Variants in SHANK2 observed in about 807,000 individuals in gnomAD.
The protein encoded by SHANK2 is SH3 and multiple ankyrin repeat domains 2, also known as SH3 and multiple ankyrin repeat domains protein 2.
Under a neutral mutation model 133.7 loss-of-function variants are expected in SHANK2, and 43 were observed. That is an observed-to-expected ratio of 0.32 (90% CI 0.25 to 0.41). The LOEUF (loss-of-function observed/expected upper bound fraction) is 0.41, where lower values mean the gene tolerates loss of function less well. Ranked by LOEUF, SHANK2 falls within the 10% of genes least tolerant of loss-of-function variation. The pLI is 1.00. For synonymous variants in SHANK2, 1,017 were observed against 952.8 expected (o/e 1.07, Z -1.24); for missense variants, 1,994 against 2,235.8 (o/e 0.89, Z 2.18).
chr11:71,080,494 A>C (rs1951284017), intron 8 of SHANK2, among the ~76,000 whole-genome samples: 1 of 152,222 alleles, frequency 6.6e-6, no homozygotes, highest in South Asian at 2.1e-4. Context: ...AATGCCCAGC[A>C]CAGCAACCAG....
chr11:70,757,824 C>T (rs1946906141), intron 14 of SHANK2, among the ~76,000 whole-genome samples: 1 of 152,172 alleles, frequency 6.6e-6, no homozygotes, highest in Admixed American at 6.5e-5. Context: ...CACACCATCC[C>T]ATAGGCCTGC....
rs73537473 is a variant in SHANK2, at chr11:71,175,407, G to A, written c.-12-28069C>T. On this transcript the variant is annotated intron_variant, in intron 2 of 25. Coordinates refer to ENST00000601538, the MANE Select transcript of SHANK2 (RefSeq NM_012309.5). This position sits in a 1 kb window ranked among gnomAD's most constrained non-coding sequence, Gnocchi z 4.2. Reference sequence around the variant, plus strand: ...CCTGTGGACACCGAAGCAGGAAAGTGAGTCTGTAAAGAGAGCAGGAGGAAG... The same window carrying A: ...CCTGTGGACACCGAAGCAGGAAAGTAAGTCTGTAAAGAGAGCAGGAGGAAG... Among the ~76,000 whole-genome samples the A allele has an allele frequency of 8.2e-3, 1,249 of 152,210 alleles. 15 individuals are homozygous for A. The highest frequency in any genetic ancestry group is 0.029 in the African/African-American group (1,190 of 41,530).
At chr11:70,793,501 A>G (rs1401121210) in intron 14 of SHANK2, among the ~76,000 whole-genome samples, 1 of 152,240 alleles carries the variant, frequency 6.6e-6, no homozygotes, top group East Asian at 1.9e-4. Context: ...ACAAACCAAT[A>G]AGGAAAAGAT....
intron 2 of SHANK2, among the ~76,000 whole-genome samples, chr11:71,149,167 G>A (rs1242799196): frequency 3.3e-5 from 5 of 152,344 alleles, no homozygotes; most frequent in Middle Eastern, 3.4e-3. Flanking sequence ...TATGCTGCCT[G>A]GGCATAAGGA....
chr11:71,197,433 T>G (rs782739030), intron 2 of SHANK2, among the ~76,000 whole-genome samples: 1 of 152,188 alleles, frequency 6.6e-6, no homozygotes, highest in Non-Finnish European at 1.5e-5. Flanking sequence ...GGCTCTTAAG[T>G]TCTAGCTCAG....
intron 17 of SHANK2, among the ~76,000 whole-genome samples, chr11:70,556,444 C>G (rs1300122827): frequency 4.0e-5 from 6 of 149,992 alleles, no homozygotes; most frequent in African/African-American, 9.9e-5. Flanking sequence ...ATTTTTTTGT[C>G]TTGCTCTGTT....
chr11:70,885,365 T>C (rs905619955), intron 11 of SHANK2, among the ~76,000 whole-genome samples: 8 of 151,174 alleles, frequency 5.3e-5, no homozygotes, highest in Non-Finnish European at 1.0e-4. Flanking sequence ...TGGGGAAGAG[T>C]TCAACCCAGA....
rs371831331 is a variant in SHANK2, at chr11:70,901,541, C to T, written c.1108-4974G>A. Among the ~76,000 whole-genome samples the T allele has an allele frequency of 1.1e-3, 168 of 152,270 alleles. 1 individual carries two copies. The highest frequency in any genetic ancestry group is 5.6e-3 in the East Asian group (29 of 5,170). ...TGCTCTCTACAGCTCGCCTGTTTTT[C>T]CCCCATTAATTCAACTGTCCTCCTC... On this transcript the variant is annotated intron_variant, in intron 10 of 25. Transcript: ENST00000601538.
chr11:70,618,988 C>T (rs1425844283), intron 17 of SHANK2, among the ~76,000 whole-genome samples: 6 of 152,172 alleles, frequency 3.9e-5, no homozygotes, highest in African/African-American at 9.7e-5. Flanking sequence ...TTGCAGGTGC[C>T]GTGCACAGCC....
In SHANK2 at chr11:71,224,750, C is replaced by T. The variant is rs1555121898; in HGVS notation, c.-66G>A. 1 of 152,246 alleles carries T rather than the reference C, an allele frequency of 6.6e-6. No homozygotes were observed. The highest frequency in any genetic ancestry group is 1.5e-5 in the Non-Finnish European group (1 of 68,116). The allele number at this position is 152,246 out of a possible 1,614,324, so 9.4% of individuals were successfully genotyped here. ...GATGGCCTCTTAGAGCAGGAACTGT[C>T]TGTATTCTAGAGGGCCAAAGCAGGG... On this transcript the variant is annotated 5_prime_UTR_variant, in exon 2 of 26. Coordinates refer to ENST00000601538, the MANE Select transcript of SHANK2 (RefSeq NM_012309.5).
At chr11:70,561,776 C>T (rs1554980938) in intron 17 of SHANK2, among the ~76,000 whole-genome samples, 1 of 152,026 alleles carries the variant, frequency 6.6e-6, no homozygotes, top group Non-Finnish European at 1.5e-5. Flanking sequence ...CTCAGGTGAT[C>T]CTCCCATCTT....
intron 9 of SHANK2, among the ~76,000 whole-genome samples, chr11:71,067,872 TCAC>T (rs1164705594): frequency 2.0e-5 from 3 of 150,070 alleles, no homozygotes; most frequent in African/African-American, 4.9e-5. Context: ...ACCATCACCA[TCAC>T]CACCATCATC....
chr11:71,077,810 A>G (rs1399455964), intron 8 of SHANK2, among the ~76,000 whole-genome samples: 14 of 152,272 alleles, frequency 9.2e-5, no homozygotes, highest in African/African-American at 2.9e-4. Context: ...AGGGAATGGG[A>G]GCTGGGCTCT....
chr11:70,697,429 A>G (rs916530269), intron 15 of SHANK2, among the ~76,000 whole-genome samples: 1 of 152,232 alleles, frequency 6.6e-6, no homozygotes, highest in Non-Finnish European at 1.5e-5. Flanking sequence ...ATCTACGCGC[A>G]GCACCGAGGC....
chr11:70,847,862 G>A (rs1949019765), intron 11 of SHANK2, among the ~76,000 whole-genome samples: 3 of 152,226 alleles, frequency 2.0e-5, no homozygotes, highest in South Asian at 2.1e-4. Flanking sequence ...AAAGAGGGGG[G>A]CAGGGCTTGG....
intron 6 of SHANK2, 68 bp from the exon 7 acceptor site, chr11:71,094,756 A>T: frequency 6.7e-7 from 1 of 1,484,518 alleles, no homozygotes; most frequent in Non-Finnish European, 9.1e-7. Flanking sequence ...CCATATTCAG[A>T]TGCCCAAAAC....
At chr11:71,076,510 C>CAAAAAAAAAAA (rs1951222122) in intron 8 of SHANK2, among the ~76,000 whole-genome samples, 1 of 148,136 alleles carries the variant, frequency 6.8e-6, no homozygotes, top group African/African-American at 2.5e-5. Flanking sequence ...AAAAAAAAAA[C>CAAAAAAAAAAA]AAACAAAAAC....
rs187336572 is a variant in SHANK2 at position 70,642,015 on chromosome 11, G to A, written c.2061+17813C>T. ...TCAGGCTCTTTCCTGGGAGTTCCTG[G>A]GTCTGGAGAGAAGGCTACGGGGGAC... On this transcript the variant is annotated intron_variant, in intron 17 of 25. Transcript: ENST00000601538. Among the ~76,000 whole-genome samples, 14 of 152,332 alleles carry A rather than the reference G, an allele frequency of 9.2e-5. No homozygotes were observed. In the East Asian group the frequency reaches 2.7e-3, roughly 29 times the overall value.
intron 21 of SHANK2, among the ~76,000 whole-genome samples, chr11:70,498,622 A>AT (rs1252400821): frequency 6.6e-6 from 1 of 152,192 alleles, no homozygotes; most frequent in Non-Finnish European, 1.5e-5. Flanking sequence ...CTAAACAAGG[A>AT]TTTTACAGAT....
Sources: allele counts gnomAD v4.1 joint callset (sites outside exome capture counted in the v4.1 genomes callset), GRCh38; gene constraint gnomAD v4.1.1; non-coding constraint Gnocchi (gnomAD v3.1); transcripts MANE v1.5; gene names NCBI Gene and HGNC (gene_info 2026-07-23, HGNC 2026-07-21).